Variants in NDUFAF7 observed in about 807,000 individuals in gnomAD.
NDUFAF7 encodes the protein protein arginine methyltransferase NDUFAF7, mitochondrial.
In NDUFAF7, 48 loss-of-function variants were observed where a neutral mutation model predicts 47.2. The ratio of observed to expected loss-of-function variants is 1.02; its 90% CI spans 0.81 to 1.29. The LOEUF (loss-of-function observed/expected upper bound fraction) is 1.29, where lower values mean the gene tolerates loss of function less well. NDUFAF7 is among the 50% of genes most tolerant of loss of function. The pLI is 0.00. For synonymous variants in NDUFAF7, 217 were observed against 190.0 expected (o/e 1.14, Z -1.17); for missense variants, 635 against 537.6 (o/e 1.18, Z -1.79).
downstream of NDUFAF7, chr2:37,256,681 C>G (rs1667981118): frequency 8.6e-7 from 1 of 1,159,654 alleles, no homozygotes; most frequent in South Asian, 1.5e-5. Flanking sequence ...AAATTTCTCT[C>G]CATGGATTTG....
In NDUFAF7 at chr2:37,236,111, C is replaced by T. The variant is rs151093411; in HGVS notation, c.232C>T (p.Arg78Cys). 6.0e-5 allele frequency: 96 copies of T among 1,612,610 alleles called. No individual in the cohort carries two copies. In the African/African-American group the frequency reaches 7.4e-4, roughly 12 times the overall value. Residue 78 changes from arginine to cysteine, a missense_variant, in exon 3 of 10, where the codon CGT becomes TGT. Physicochemically the swap from Arg to Cys is radical, Grantham distance 180 (BLOSUM62 -3). Transcript: ENST00000002125. ...TNPAKGYYVY[R>C]DMLGEKGDFI... ...TTTTACTCAGGGTTATTATGTGTAC[C>T]GTGACATGCTAGGCGAAAAAGGAGA...
the NDUFAF7 span, among the ~76,000 whole-genome samples, chr2:37,260,800 C>T: frequency 3.3e-5 from 5 of 152,246 alleles, no homozygotes; most frequent in South Asian, 1.0e-3. Context: ...AGTTTTATTT[C>T]TAAGGTAGTT....
chr2:37,253,045 G>C, downstream of NDUFAF7: 4 of 891,852 alleles, frequency 4.5e-6, no homozygotes, highest in Non-Finnish European at 6.6e-6. Context: ...TACAGTACTG[G>C]TGTCACTTAT....
chr2:37,259,171 T>C, the NDUFAF7 span, among the ~76,000 whole-genome samples: 1 of 152,176 alleles, frequency 6.6e-6, no homozygotes, highest in Non-Finnish European at 1.5e-5. Context: ...TTTATGTAGG[T>C]TGTTTGAATA....
chr2:37,232,059 A>T (rs761283905), intron 1 of NDUFAF7, 47 bp from the exon 2 acceptor site: 1 of 1,613,974 alleles, frequency 6.2e-7, no homozygotes, highest in Admixed American at 1.7e-5. Flanking sequence ...TGCGCTCGTG[A>T]ATGGTCAGAT....
At chr2:37,252,835 A>ATT (rs1207794862), downstream of NDUFAF7, 1 of 102,002 alleles carries the variant, frequency 9.8e-6, no homozygotes. Flanking sequence ...ACAAACAAAC[A>ATT]TATATTTATA....
chr2:37,260,554 T>C, the NDUFAF7 span, among the ~76,000 whole-genome samples: 1 of 152,208 alleles, frequency 6.6e-6, no homozygotes, highest in African/African-American at 2.4e-5. Flanking sequence ...GTTTTAATTC[T>C]CCAAGTTGTG....
the NDUFAF7 span, chr2:37,267,535 T>A: frequency 3.3e-5 from 53 of 1,595,648 alleles, no homozygotes; most frequent in African/African-American, 5.4e-4. Context: ...TTCTATGTTT[T>A]CCTATTAAGA....
chr2:37,248,080 G>T (rs780735821), intron 9 of NDUFAF7, 55 bp from the exon 10 acceptor site: 6 of 1,386,172 alleles, frequency 4.3e-6, no homozygotes, highest in Non-Finnish European at 6.1e-6. Context: ...ATTGCTGCAT[G>T]TAACTAGGAA....
chr2:37,256,807 G>T (rs1667989770), downstream of NDUFAF7: 1 of 1,613,918 alleles, frequency 6.2e-7, no homozygotes, highest in Non-Finnish European at 8.5e-7. Context: ...ACATATCTAG[G>T]GAACGGTTGT....
chr2:37,232,350 C>T, intron 2 of NDUFAF7, 84 bp downstream of exon 2: 2 of 1,559,370 alleles, frequency 1.3e-6, no homozygotes, highest in East Asian at 2.2e-5. Flanking sequence ...CGAAGGTTCT[C>T]AGCCCAGGCA....
intron 4 of NDUFAF7, among the ~76,000 whole-genome samples, chr2:37,240,551 G>C (rs765769482): frequency 6.6e-6 from 1 of 151,886 alleles, no homozygotes; most frequent in Non-Finnish European, 1.5e-5. Flanking sequence ...TTGATTATTT[G>C]GGTGAAGAAA....
At chr2:37,253,221 A>C (rs765804242), downstream of NDUFAF7, 1 of 1,611,604 alleles carries the variant, frequency 6.2e-7, no homozygotes, top group Non-Finnish European at 8.5e-7. Flanking sequence ...GCCATAATGA[A>C]GTGCTTTGGG....
chr2:37,243,157 T>G (rs1666527883), intron 6 of NDUFAF7, among the ~76,000 whole-genome samples: 1 of 152,006 alleles, frequency 6.6e-6, no homozygotes, highest in Non-Finnish European at 1.5e-5. Context: ...AATTATAGAT[T>G]AAACTTTTTT....
At chr2:37,265,931 CAAG>C in the NDUFAF7 span, among the ~76,000 whole-genome samples, 1 of 152,138 alleles carries the variant, frequency 6.6e-6, no homozygotes, top group Non-Finnish European at 1.5e-5. Flanking sequence ...TGTTTGTGAT[CAAG>C]AAGAAATCAA....
In NDUFAF7 at chr2:37,243,928, G is replaced by T; in HGVS notation, c.747G>T (p.Arg249Ser). The change falls in exon 7 of 10, where the codon AGG (arginine) becomes AGT (serine). Residue 249 changes from arginine (R) to serine (S), a missense_variant. Physicochemically the swap from Arg to Ser is moderately radical, Grantham distance 110. Transcript: ENST00000002125. ...ATCCACAGGTTTCTGATAAACTGAG[G>T]TTTGTTTTGGCACCTTCTGCCACCC... ...DIDPQVSDKL[R>S]FVLAPSATPA... 6.2e-7 allele frequency: 1 copy of T among 1,614,056 alleles called. No homozygotes were observed. Among genetic ancestry groups the T allele is most frequent in the East Asian group, 2.2e-5 (1 of 44,876 alleles).
the NDUFAF7 span, among the ~76,000 whole-genome samples, chr2:37,263,099 T>A: frequency 6.6e-6 from 1 of 152,174 alleles, no homozygotes; most frequent in African/African-American, 2.4e-5. Flanking sequence ...ATTTTATTGT[T>A]CATTCTTCAA....
chr2:37,267,540 T>A, the NDUFAF7 span: 2 of 1,590,396 alleles, frequency 1.3e-6, no homozygotes, highest in Admixed American at 3.4e-5. Context: ...TGTTTTCCTA[T>A]TAAGAAAAAA....
intron 7 of NDUFAF7, 103 bp from the exon 8 acceptor site, chr2:37,245,949 T>A (rs1666852273): frequency 7.7e-7 from 1 of 1,304,474 alleles, no homozygotes; most frequent in African/African-American, 1.5e-5. Flanking sequence ...AATTTATTTT[T>A]ATTAAAACTA....
Sources: gnomAD v4.1 joint callset for allele counts (sites outside exome capture counted in the v4.1 genomes callset) on GRCh38, gnomAD v4.1.1 for gene constraint, MANE v1.5 for transcripts, NCBI Gene and HGNC (gene_info 2026-07-23, HGNC 2026-07-21) for gene names.